The following CNGB3 variants were observed in gnomAD, a reference collection of about 807,000 sequenced individuals.
CNGB3 encodes cyclic nucleotide gated channel subunit beta 3.
Under a neutral mutation model 92.8 loss-of-function variants are expected in CNGB3, and 86 were observed. The observed-to-expected ratio is 0.93, with a 90% CI of 0.78 to 1.11. The LOEUF (loss-of-function observed/expected upper bound fraction) is 1.11. CNGB3 is among the 50% of genes least tolerant of loss of function. CNGB3 has a pLI of 0.00. For synonymous variants in CNGB3, 333 were observed against 332.7 expected, an observed-to-expected ratio of 1.00 and a Z score of -0.01; for missense variants, 1,026 against 956.8, an observed-to-expected ratio of 1.07 and a Z score of -0.95.
At chr8:86,596,649 T>C (rs1430190750) in intron 15 of CNGB3, among the ~76,000 whole-genome samples, 1 of 152,196 alleles carries the variant, frequency 6.6e-6, no homozygotes, top group Non-Finnish European at 1.5e-5. Context: ...AAACCACACA[T>C]GGTGTCTAGC....
intron 3 of CNGB3, among the ~76,000 whole-genome samples, chr8:86,718,538 GAA>G (rs903522699): frequency 6.6e-6 from 1 of 151,514 alleles, no homozygotes; most frequent in Non-Finnish European, 1.5e-5. Flanking sequence ...AAATTGCCAA[GAA>G]AAAAAAGTCC....
At position 86,629,010 on chromosome 8, in the gene CNGB3, A is replaced by G. The variant is rs1822907338; in HGVS notation, c.1389T>C (p.Ile463=). The change falls in exon 12 of 18, where the codon ATT becomes ATC. Residue 463 remains isoleucine (I), a synonymous_variant. Coordinates refer to ENST00000320005, the MANE Select transcript of CNGB3 (RefSeq NM_019098.5). ...GAATGGAGTAATTGTTCATGTAGGC[A>G]ATGGTGTCATCCATGCAGGCGCGGA... The part of the protein sequence containing the change: ...NYFRACMDDT[I]AYMNNYSIPK... 1 of 1,614,048 alleles carries G rather than the reference A, an allele frequency of 6.2e-7. No individual in the cohort carries two copies. The highest frequency in any genetic ancestry group is 8.5e-7 in the Non-Finnish European group (1 of 1,179,966).
At chr8:86,598,194 T>C (rs1822215532) in intron 15 of CNGB3, among the ~76,000 whole-genome samples, 1 of 152,102 alleles carries the variant, frequency 6.6e-6, no homozygotes, top group Admixed American at 6.5e-5. Flanking sequence ...CAGATCTGTG[T>C]TTCCAAAAGA....
At chr8:86,656,510 A>G (rs1823507797) in intron 6 of CNGB3, among the ~76,000 whole-genome samples, 1 of 152,206 alleles carries the variant, frequency 6.6e-6, no homozygotes, top group Non-Finnish European at 1.5e-5. Context: ...TACCGGTAAC[A>G]ATTAGGTACT....
chr8:86,658,939 G>A (rs1220939227), intron 6 of CNGB3: 7 of 1,046,692 alleles, frequency 6.7e-6, no homozygotes, highest in Non-Finnish European at 5.9e-6. Context: ...TCCTGCTCTC[G>A]GTTCAGGAGA....
chr8:86,730,113 C>G lies in CNGB3; in HGVS notation c.212-3456G>C, dbSNP rs146154084. 7.4e-4 allele frequency among the ~76,000 whole-genome samples: 112 copies of G among 152,310 alleles called. 1 individual carries two copies. Among genetic ancestry groups the G allele is most frequent in the African/African-American group, 2.6e-3 (109 of 41,558 alleles). On this transcript the variant is annotated intron_variant, in intron 2 of 17. Coordinates refer to ENST00000320005, the MANE Select transcript of CNGB3 (RefSeq NM_019098.5). The stretch of plus-strand genomic sequence containing the variant: ...CACACCAGGCTGATTCCATCCTGAG[C>G]CTGGCAGCGTCTCACACTGAGCCTG...
At position 86,629,041 on chromosome 8, in the gene CNGB3, T is replaced by A; in HGVS notation, c.1358A>T (p.Asn453Ile). The change falls in exon 12 of 18, where the codon AAC becomes ATC. Residue 453 changes from asparagine to isoleucine, a missense_variant. Physicochemically the swap from Asn to Ile is moderately radical, Grantham distance 149. Coordinates refer to ENST00000320005, the MANE Select transcript of CNGB3 (RefSeq NM_019098.5). Reference sequence around the variant, plus strand: ...GTCATCCATGCAGGCGCGGAAGTAGTTCTGATTGGCTGTAGCTGCTCCAAT... The same window carrying A: ...GTCATCCATGCAGGCGCGGAAGTAGATCTGATTGGCTGTAGCTGCTCCAAT... The part of the protein sequence containing the change: ...DVIGAATANQ[N>I]YFRACMDDTI... 6.2e-7 allele frequency: 1 copy of A among 1,614,062 alleles called. No individual in the cohort carries two copies. Among genetic ancestry groups the A allele is most frequent in the African/African-American group, 1.3e-5 (1 of 75,036 alleles).
At chr8:86,739,766 G>A in intron 1 of CNGB3, 30 bp from the exon 2 acceptor site, 4 of 1,601,526 alleles carry the variant, frequency 2.5e-6, no homozygotes, top group Non-Finnish European at 3.4e-6. Context: ...GATTGTATGT[G>A]ATGAATTTAC....
intron 17 of CNGB3, among the ~76,000 whole-genome samples, chr8:86,576,620 T>C (rs777694610): frequency 9.9e-5 from 15 of 152,196 alleles, no homozygotes; most frequent in Non-Finnish European, 2.2e-4. Context: ...TCTTTTCCAT[T>C]TGTCCCACAG....
intron 11 of CNGB3, among the ~76,000 whole-genome samples, chr8:86,630,514 G>A (rs527478949): frequency 6.6e-6 from 1 of 152,168 alleles, no homozygotes; most frequent in African/African-American, 2.4e-5. Context: ...GAGAGTATGA[G>A]AGGAAGAAAA....
At chr8:86,647,110 G>A (rs1004347293) in intron 8 of CNGB3, among the ~76,000 whole-genome samples, 1 of 150,900 alleles carries the variant, frequency 6.6e-6, no homozygotes, top group African/African-American at 2.4e-5. Context: ...AAACTGTTCT[G>A]TAACTAGCTT....
At chr8:86,588,563 G>A (rs62512475) in intron 15 of CNGB3, among the ~76,000 whole-genome samples, 96,421 of 149,124 alleles carry the variant, frequency 0.65, 33,391 homozygotes, top group Non-Finnish European at 0.77. Flanking sequence ...GTTGAATTTT[G>A]TCAAAGGCCT....
chr8:86,593,687 T>A (rs1179408861), intron 15 of CNGB3: 2 of 693,018 alleles, frequency 2.9e-6, no homozygotes, highest in Non-Finnish European at 5.0e-6. Flanking sequence ...CAGCCAGACC[T>A]CACTAGGCAC....
intron 3 of CNGB3, among the ~76,000 whole-genome samples, chr8:86,672,725 C>A (rs1823884413): frequency 6.6e-6 from 1 of 152,178 alleles, no homozygotes; most frequent in African/African-American, 2.4e-5. Flanking sequence ...ACATGGCCCA[C>A]AGATATATTA....
rs139337746 is a variant in CNGB3 at position 86,579,136 on chromosome 8, T to C, written c.1898A>G (p.Asp633Gly). The part of the protein sequence containing the change: ...TLQEILVHYP[D>G]SERILMKKAR... ...TTTCTTCATGAGGATCCTTTCAGAA[T>C]CTGGATAATGCACTAGAATTTCTTG... The change falls in exon 16 of 18, where the codon GAT (aspartate) becomes GGT (glycine). Residue 633 changes from aspartate to glycine, a missense_variant. By Grantham distance (94) the Asp-to-Gly change is moderately conservative. Transcript: ENST00000320005. The C allele has an allele frequency of 1.7e-4, 268 of 1,614,160 alleles. No homozygotes were observed. Among genetic ancestry groups the C allele is most frequent in the East Asian group, 1.0e-3 (45 of 44,868 alleles).
In CNGB3 at chr8:86,575,396, A is replaced by T. The variant is rs1821639189; in HGVS notation, c.*408T>A. The T allele has an allele frequency of 6.2e-6, 1 of 162,500 alleles. No individual in the cohort carries two copies. The allele number at this position is 162,500 out of a possible 1,614,324, so 10.1% of individuals were successfully genotyped here. A position where few individuals can be genotyped will look rare whatever the true frequency, so the allele number is the denominator to read the frequency against. On this transcript the variant is annotated 3_prime_UTR_variant, in exon 18 of 18. Coordinates refer to ENST00000320005, the MANE Select transcript of CNGB3 (RefSeq NM_019098.5). Reference sequence around the variant, plus strand: ...TGTAAGAGGTGAAATTCATAAACCTAGAACAATTAGCCAGGCTTTAGAGTG... The same window carrying T: ...TGTAAGAGGTGAAATTCATAAACCTTGAACAATTAGCCAGGCTTTAGAGTG...
intron 13 of CNGB3, among the ~76,000 whole-genome samples, chr8:86,613,376 C>G (rs1004105501): frequency 2.0e-5 from 3 of 152,074 alleles, no homozygotes; most frequent in Non-Finnish European, 4.4e-5. Context: ...ATGCTGTCAT[C>G]ATTTTGGAAT....
chr8:86,739,800 A>G, intron 1 of CNGB3, 64 bp from the exon 2 acceptor site: 1 of 1,536,466 alleles, frequency 6.5e-7, no homozygotes. Context: ...TGAATGTAAA[A>G]CATAACACCA....
intron 3 of CNGB3, among the ~76,000 whole-genome samples, chr8:86,699,561 A>T (rs995951738): frequency 2.0e-5 from 3 of 152,210 alleles, no homozygotes; most frequent in African/African-American, 7.2e-5. Flanking sequence ...ATTTATTGGT[A>T]CTTATGGATT....
Sources: gnomAD v4.1 joint callset for allele counts (sites outside exome capture counted in the v4.1 genomes callset) on GRCh38, gnomAD v4.1.1 for gene constraint, MANE v1.5 for transcripts, NCBI Gene and HGNC (gene_info 2026-07-23, HGNC 2026-07-21) for gene names.